The following MIA2 variants were observed in gnomAD, a reference collection of about 807,000 sequenced individuals.
MIA2 encodes melanoma inhibitory activity protein 2.
MIA2 carries 127 observed loss-of-function variants against 167.8 expected under a neutral mutation model. The ratio of observed to expected loss-of-function variants is 0.76; its 90% CI spans 0.66 to 0.88. The LOEUF is 0.88. Ranked by LOEUF, MIA2 falls within the 40% of genes least tolerant of loss-of-function variation. MIA2 has a pLI of 0.00. For missense variants in MIA2, 1,690 were observed against 1,624.7 expected (o/e 1.04, Z -0.69); for synonymous variants, 552 against 541.9 (o/e 1.02, Z -0.26).
intron 25 of MIA2, among the ~76,000 whole-genome samples, chr14:39,328,952 T>C (rs6649986): frequency 0.93 from 141,468 of 152,180 alleles, 65,860 homozygotes; most frequent in African/African-American, 0.96. Context: ...TATATGGGCT[T>C]TTTTTTGCTT....
At position 39,234,030 on chromosome 14, in the gene MIA2, G is replaced by T; in HGVS notation, c.-85G>T. ...TCTCTTATAGTTAGTGAAGAGAGTA[G>T]AATATCTCCAGTTTTGGCTGACATC... On this transcript the variant is annotated 5_prime_UTR_variant, in exon 1 of 29. Coordinates refer to ENST00000640607, the MANE Select transcript of MIA2 (RefSeq NM_001329214.4). 1 of 735,032 alleles carries T rather than the reference G, an allele frequency of 1.4e-6. No homozygotes were observed. Among genetic ancestry groups the T allele is most frequent in the Non-Finnish European group, 2.3e-6 (1 of 441,486 alleles). The allele number at this position is 735,032 out of a possible 1,614,324, so 45.5% of individuals were successfully genotyped here.
chr14:39,299,068 TAAAAAAAAAAAAAA>T (rs3065043), intron 13 of MIA2, among the ~76,000 whole-genome samples: 4 of 44,002 alleles, frequency 9.1e-5, no homozygotes, highest in African/African-American at 2.5e-4. Flanking sequence ...TCCCTGCCTC[TAAAAAAAAAAAAAA>T]AAAAAAAAAA....
intron 23 of MIA2, among the ~76,000 whole-genome samples, chr14:39,378,830 T>C (rs1017982874): frequency 5.3e-5 from 8 of 152,204 alleles, no homozygotes; most frequent in African/African-American, 1.4e-4. Context: ...AAAAAATTAA[T>C]GAAGACCGAA....
chr14:39,277,715 TG>T (rs1347893059), intron 7 of MIA2, among the ~76,000 whole-genome samples: 183 of 3,444 alleles, frequency 0.053, 40 homozygotes, highest in African/African-American at 0.21. Context: ...TATATATATA[TG>T]TGTGTATATA....
chr14:39,321,071 C>T lies in MIA2; in HGVS notation c.3496+15C>T, dbSNP rs1414073306. Reference sequence around the variant, plus strand: ...AGGAGGAAGAGGTATATTGTTTAAACATCTTTATTACTCTAGATTTCTTCC... The same window carrying T: ...AGGAGGAAGAGGTATATTGTTTAAATATCTTTATTACTCTAGATTTCTTCC... On this transcript the variant is annotated intron_variant, in intron 24 of 28. Coordinates refer to ENST00000640607, the MANE Select transcript of MIA2 (RefSeq NM_001329214.4). The T allele has an allele frequency of 6.2e-7, 1 of 1,602,592 alleles. No homozygotes were observed. The highest frequency in any genetic ancestry group is 1.1e-5 in the South Asian group (1 of 88,918).
intron 13 of MIA2, among the ~76,000 whole-genome samples, chr14:39,297,973 C>G (rs1316161737): frequency 6.6e-6 from 1 of 151,940 alleles, no homozygotes; most frequent in Non-Finnish European, 1.5e-5. Context: ...TATCACACTT[C>G]CATTTCTTTC....
At chr14:39,241,574 C>G in intron 3 of MIA2, among the ~76,000 whole-genome samples, 1 of 152,228 alleles carries the variant, frequency 6.6e-6, no homozygotes, top group South Asian at 2.1e-4. Flanking sequence ...CCCGCCTCTG[C>G]CTCACCAATG....
At chr14:39,345,613 G>A (rs559634514) in intron 25 of MIA2, among the ~76,000 whole-genome samples, 1 of 152,200 alleles carries the variant, frequency 6.6e-6, no homozygotes, top group African/African-American at 2.4e-5. Context: ...AAAATGGAAA[G>A]TTAATTTACA....
chr14:39,313,922 A>T (rs1276971208), intron 19 of MIA2, among the ~76,000 whole-genome samples: 1 of 152,248 alleles, frequency 6.6e-6, no homozygotes, highest in Non-Finnish European at 1.5e-5. Context: ...AATAGAAAAT[A>T]TAGAGAAAAA....
chr14:39,382,774 G>A (rs1454985138), intron 23 of MIA2, among the ~76,000 whole-genome samples: 1 of 152,078 alleles, frequency 6.6e-6, no homozygotes, highest in African/African-American at 2.4e-5. Context: ...ATAGTGAATT[G>A]GAGTCCAGAC....
downstream of MIA2, among the ~76,000 whole-genome samples, chr14:39,352,187 T>A (rs2074405603): frequency 2.0e-5 from 3 of 148,240 alleles, no homozygotes; most frequent in African/African-American, 7.5e-5. Flanking sequence ...TTCTCTTCAA[T>A]ATTGTTTTTG....
At chr14:39,343,540 A>G (rs1243170712) in intron 25 of MIA2, among the ~76,000 whole-genome samples, 1 of 152,180 alleles carries the variant, frequency 6.6e-6, no homozygotes, top group Non-Finnish European at 1.5e-5. Flanking sequence ...TATAATTCTT[A>G]GTTTGCAAAA....
At chr14:39,379,889 A>C (rs554930138) in intron 23 of MIA2, among the ~76,000 whole-genome samples, 1 of 151,890 alleles carries the variant, frequency 6.6e-6, no homozygotes, top group East Asian at 2.0e-4. Context: ...TAAATTAAAA[A>C]ATGTTTTTAT....
intron 18 of MIA2, among the ~76,000 whole-genome samples, chr14:39,311,652 AT>A (rs34637973): frequency 6.7e-6 from 1 of 148,488 alleles, no homozygotes. Flanking sequence ...TTATTTATTT[AT>A]TTTTTTTTGT....
At chr14:39,279,252 C>T in intron 7 of MIA2, 85 bp from the exon 8 acceptor site, 2 of 1,108,754 alleles carry the variant, frequency 1.8e-6, no homozygotes, top group Admixed American at 2.3e-5. Flanking sequence ...ACCTGTATTT[C>T]TAAGTTGGCA....
intron 25 of MIA2, among the ~76,000 whole-genome samples, chr14:39,330,823 G>A (rs547605198): frequency 1.3e-5 from 2 of 152,312 alleles, no homozygotes; most frequent in South Asian, 4.1e-4. Flanking sequence ...ACTGTGGTGT[G>A]AGGGACTGTT....
At chr14:39,294,103 T>A in intron 12 of MIA2, 32 bp downstream of exon 12, 4 of 1,459,100 alleles carry the variant, frequency 2.7e-6, no homozygotes, top group Non-Finnish European at 3.8e-6. Flanking sequence ...GGTCTGTTGC[T>A]TTTGGAAATA....
At chr14:39,297,844 C>A (rs1376081183) in intron 13 of MIA2, among the ~76,000 whole-genome samples, 1 of 152,084 alleles carries the variant, frequency 6.6e-6, no homozygotes, top group Non-Finnish European at 1.5e-5. Flanking sequence ...CCTGCTTATA[C>A]CCCTGGTATT....
At chr14:39,256,896 A>C (rs1444949067) in intron 6 of MIA2, among the ~76,000 whole-genome samples, 2 of 152,150 alleles carry the variant, frequency 1.3e-5, no homozygotes, top group East Asian at 3.8e-4. Flanking sequence ...AACTTATCTG[A>C]GCTTTAACGG....
Sources: gnomAD v4.1 joint callset for allele counts (sites outside exome capture counted in the v4.1 genomes callset) on GRCh38, gnomAD v4.1.1 for gene constraint, MANE v1.5 for transcripts, NCBI Gene and HGNC (gene_info 2026-07-23, HGNC 2026-07-21) for gene names.